Variants in DCLK1 observed in about 807,000 individuals in gnomAD.
The protein encoded by DCLK1 is serine/threonine-protein kinase DCLK1.
DCLK1 carries 16 observed loss-of-function variants against 86.2 expected under a neutral mutation model. The observed-to-expected ratio is 0.19, with a 90% CI of 0.13 to 0.28. DCLK1 has a LOEUF of 0.28. Ranked by LOEUF, DCLK1 falls within the 10% of genes least tolerant of loss-of-function variation. The pLI is 1.00. For missense variants in DCLK1, 590 were observed against 940.2 expected, an observed-to-expected ratio of 0.63 and a Z score of 4.87; for synonymous variants, 369 against 370.5, an observed-to-expected ratio of 1.00 and a Z score of 0.05.
chr13:35,850,818 C>A, intron 6 of DCLK1: 1 of 1,538,634 alleles, frequency 6.5e-7, no homozygotes. Flanking sequence ...ACTCGGCTTT[C>A]TTGGGTGCCC....
intron 3 of DCLK1, among the ~76,000 whole-genome samples, chr13:36,033,808 C>T (rs1882382836): frequency 1.3e-5 from 2 of 152,108 alleles, no homozygotes; most frequent in African/African-American, 4.8e-5. Flanking sequence ...GCCTGTAATC[C>T]CAGCTACTAG....
chr13:36,047,198 G>C (rs549545623), intron 3 of DCLK1, among the ~76,000 whole-genome samples: 1 of 152,274 alleles, frequency 6.6e-6, no homozygotes, highest in Admixed American at 6.5e-5. Flanking sequence ...GCGAGGATGT[G>C]GAGAAAAGGG....
intron 3 of DCLK1, among the ~76,000 whole-genome samples, chr13:36,092,078 G>A (rs911888199): frequency 2.0e-5 from 3 of 152,128 alleles, no homozygotes; most frequent in African/African-American, 7.2e-5. Context: ...ACGTGATACT[G>A]TTGTCAGACA....
Position 35,966,996 on chromosome 13 carries a change from G to A in DCLK1, c.724-19539C>T, listed in dbSNP as rs560253697. Among the ~76,000 whole-genome samples, 588 of 148,816 alleles carry A rather than the reference G, an allele frequency of 4.0e-3. 7 individuals carry two copies. Among genetic ancestry groups the A allele is most frequent in the African/African-American group, 0.014 (548 of 40,138 alleles). The stretch of plus-strand genomic sequence containing the variant: ...TGGGATGTGAGGAGCCCTTCTGCCC[G>A]GCTGCCCAGTCTGGGAAGTGAGGAG... On this transcript the variant is annotated intron_variant, in intron 3 of 16. Coordinates refer to ENST00000360631, the MANE Select transcript of DCLK1 (RefSeq NM_001330071.2).
At chr13:36,066,248 G>A (rs1339291913) in intron 3 of DCLK1, among the ~76,000 whole-genome samples, 1 of 152,144 alleles carries the variant, frequency 6.6e-6, no homozygotes, top group African/African-American at 2.4e-5. Flanking sequence ...AAGGAGGGAG[G>A]CTAGAAATCA....
intron 10 of DCLK1, among the ~76,000 whole-genome samples, chr13:35,824,966 T>C (rs1350966374): frequency 6.6e-6 from 1 of 152,150 alleles, no homozygotes; most frequent in Non-Finnish European, 1.5e-5. Flanking sequence ...CTAACTCCCG[T>C]TGCTCTCTCA....
intron 8 of DCLK1, among the ~76,000 whole-genome samples, chr13:35,832,836 G>A (rs1869063377): frequency 1.3e-5 from 2 of 152,154 alleles, no homozygotes; most frequent in Non-Finnish European, 2.9e-5. Flanking sequence ...GCTCTCAGGA[G>A]CCAGAGGCTC....
chr13:35,867,963 A>AAGAAAGAAGAAAGAAAGAG (rs796441369), intron 5 of DCLK1, among the ~76,000 whole-genome samples: 1 of 135,156 alleles, frequency 7.4e-6, no homozygotes, highest in Non-Finnish European at 1.6e-5. Flanking sequence ...GAAAGAAAGA[A>AAGAAAGAAGAAAGAAAGAG]AGAGAAAAAG....
At chr13:36,079,749 A>G (rs1182672740) in intron 3 of DCLK1, among the ~76,000 whole-genome samples, 3 of 152,166 alleles carry the variant, frequency 2.0e-5, no homozygotes, top group Non-Finnish European at 4.4e-5. Flanking sequence ...TTAAAAAAAA[A>G]TTGTTTCAAG....
At chr13:35,968,923 C>T (rs759477616) in intron 3 of DCLK1, among the ~76,000 whole-genome samples, 18 of 152,188 alleles carry the variant, frequency 1.2e-4, no homozygotes, top group East Asian at 1.9e-4. Context: ...CTCCCAAATA[C>T]GTCCTAACCA....
chr13:36,098,805 T>C (rs7988209), intron 3 of DCLK1, among the ~76,000 whole-genome samples: 60,133 of 151,942 alleles, frequency 0.4, 12,390 homozygotes, highest in South Asian at 0.57. Flanking sequence ...TCCCAATACA[T>C]CTTAATGGGA....
At chr13:35,782,860 G>A (rs1478756244) in intron 16 of DCLK1, among the ~76,000 whole-genome samples, 1 of 152,168 alleles carries the variant, frequency 6.6e-6, no homozygotes, top group Admixed American at 6.5e-5. Context: ...TCTGGAGAGG[G>A]CCAGATAGTT....
chr13:35,843,873 C>T (rs1278580320), intron 6 of DCLK1, among the ~76,000 whole-genome samples: 1 of 152,180 alleles, frequency 6.6e-6, no homozygotes, highest in Non-Finnish European at 1.5e-5. Flanking sequence ...TTAACAAACT[C>T]AAACAGTTGT....
rs1259746317 is a variant in DCLK1, at chr13:35,771,730, T to A, written c.*2805A>T. ...CCAGGCCACCACCATAAGAGAGCTA[T>A]ATTAAATACTTGGGAAAAAATATGG... On this transcript the variant is annotated 3_prime_UTR_variant, in exon 17 of 17. Coordinates refer to ENST00000360631, the MANE Select transcript of DCLK1 (RefSeq NM_001330071.2). 6.6e-6 allele frequency: 1 copy of A among 152,150 alleles called. No individual in the cohort carries two copies. The highest frequency in any genetic ancestry group is 1.5e-5 in the Non-Finnish European group (1 of 68,012). 9.4% of individuals were successfully genotyped at this position (152,150 alleles called of 1,614,324 possible). A position where few individuals can be genotyped will look rare whatever the true frequency, so the allele number is the denominator to read the frequency against.
At chr13:36,129,174 A>G (rs1886285143) in intron 1 of DCLK1, among the ~76,000 whole-genome samples, 1 of 152,258 alleles carries the variant, frequency 6.6e-6, no homozygotes, top group South Asian at 2.1e-4. Context: ...CAGTTCTGTT[A>G]CCAGAAAGAG....
intron 3 of DCLK1, among the ~76,000 whole-genome samples, chr13:36,052,059 A>G (rs933378139): frequency 1.3e-5 from 2 of 152,192 alleles, no homozygotes; most frequent in African/African-American, 4.8e-5. Context: ...TTTCATCACT[A>G]TCACTTTAGA....
Position 35,951,434 on chromosome 13 carries a change from T to C in DCLK1, c.724-3977A>G, listed in dbSNP as rs534476049. ...TGTTCTTTCCTATGTGTTTGTTTTT[T>C]CTATCTAGTATCCTTTCTTACTCTT... is the stretch of plus-strand genomic sequence containing the variant. On this transcript the variant is annotated intron_variant, in intron 3 of 16. Transcript: ENST00000360631. 4.7e-5 allele frequency among the ~76,000 whole-genome samples: 7 copies of C among 150,226 alleles called. No homozygotes were observed. The East Asian group carries it at 1.2e-3, about 25-fold the overall frequency.
chr13:35,836,639 T>C (rs1262527347), intron 7 of DCLK1, among the ~76,000 whole-genome samples: 1 of 152,200 alleles, frequency 6.6e-6, no homozygotes, highest in Non-Finnish European at 1.5e-5. Flanking sequence ...AAATTCCTCA[T>C]GAACTAAGCA....
chr13:36,101,736 A>AT (rs1885224480), intron 3 of DCLK1, among the ~76,000 whole-genome samples: 2 of 151,008 alleles, frequency 1.3e-5, no homozygotes, highest in Middle Eastern at 3.2e-3. Context: ...GTTTTTATTT[A>AT]TTTAATTTTT....
Sources: allele counts gnomAD v4.1 joint callset (sites outside exome capture counted in the v4.1 genomes callset), GRCh38; gene constraint gnomAD v4.1.1; transcripts MANE v1.5; gene names NCBI Gene and HGNC (gene_info 2026-07-23, HGNC 2026-07-21).